The following FARP1 variants were observed in gnomAD, a reference collection of about 807,000 sequenced individuals.
The protein encoded by FARP1 is FERM, ARHGEF and pleckstrin domain-containing protein 1.
FARP1 carries 52 observed loss-of-function variants against 128.8 expected under a neutral mutation model. The observed-to-expected ratio is 0.40, with a 90% CI of 0.32 to 0.51. FARP1 has a LOEUF of 0.51. Ranked by LOEUF, FARP1 falls within the 20% of genes least tolerant of loss-of-function variation. The pLI, the probability that FARP1 is intolerant of heterozygous loss-of-function variation, is 0.45. For synonymous variants in FARP1, 580 were observed against 551.8 expected (o/e 1.05, Z -0.72); for missense variants, 1,333 against 1,367.9 (o/e 0.97, Z 0.40).
intron 5 of FARP1, among the ~76,000 whole-genome samples, chr13:98,377,374 C>CAA (rs34395673): frequency 0.02 from 2,709 of 134,546 alleles, 84 homozygotes; most frequent in African/African-American, 0.069. Flanking sequence ...AGTTACACCA[C>CAA]AAAAAAAAAA....
chr13:98,249,631 T>C (rs1191312861), intron 2 of FARP1, among the ~76,000 whole-genome samples: 1 of 152,168 alleles, frequency 6.6e-6, no homozygotes, highest in African/African-American at 2.4e-5. Flanking sequence ...AGAAATTGTT[T>C]GGCTATTGGA....
At chr13:98,396,218 C>G in intron 13 of FARP1, 2 of 399,126 alleles carry the variant, frequency 5.0e-6, no homozygotes, top group Non-Finnish European at 4.4e-6. Context: ...ATGGGTGCAG[C>G]CTCTAAGGTC....
chr13:98,412,413 A>G (rs9584838), intron 16 of FARP1, among the ~76,000 whole-genome samples: 2,747 of 152,384 alleles, frequency 0.018, 80 homozygotes, highest in African/African-American at 0.058. Flanking sequence ...TATGAAGTAC[A>G]TACATGCCTT....
At chr13:98,166,357 T>C (rs1195884247) in intron 1 of FARP1, among the ~76,000 whole-genome samples, 1 of 152,220 alleles carries the variant, frequency 6.6e-6, no homozygotes, top group Non-Finnish European at 1.5e-5. Context: ...CATATTGCCC[T>C]CCATGGCTTA....
intron 23 of FARP1, 80 bp from the exon 24 acceptor site, chr13:98,440,590 C>T (rs1892483479): frequency 6.8e-7 from 1 of 1,462,608 alleles, no homozygotes; most frequent in African/African-American, 1.4e-5. Flanking sequence ...AGCCCCCCAA[C>T]CTTCCAGCAC....
intron 1 of FARP1, among the ~76,000 whole-genome samples, chr13:98,212,409 A>G (rs149124625): frequency 2.8e-4 from 43 of 152,318 alleles, no homozygotes; most frequent in African/African-American, 8.2e-4. Flanking sequence ...TTCCAGGTGA[A>G]GAAAGAGGGC....
chr13:98,270,548 C>T (rs1255584562), intron 2 of FARP1, among the ~76,000 whole-genome samples: 1 of 152,260 alleles, frequency 6.6e-6, no homozygotes, highest in East Asian at 1.9e-4. Context: ...GACGCAGCTC[C>T]CTTCCTAGAA....
intron 16 of FARP1, among the ~76,000 whole-genome samples, chr13:98,415,653 C>A (rs1484701991): frequency 1.3e-5 from 2 of 152,234 alleles, no homozygotes; most frequent in African/African-American, 4.8e-5. Context: ...ATTGCCTATA[C>A]AGAACAGGCA....
Position 98,353,903 on chromosome 13 carries a change from T to A in FARP1, c.276+10037T>A, listed in dbSNP as rs567617882. Among the ~76,000 whole-genome samples, 27 of 152,334 alleles carry A rather than the reference T, an allele frequency of 1.8e-4. No individual in the cohort carries two copies. The East Asian group carries it at 3.7e-3, about 21-fold the overall frequency. On this transcript the variant is annotated intron_variant, in intron 3 of 26. Coordinates refer to ENST00000319562, the MANE Select transcript of FARP1 (RefSeq NM_005766.4). ...AGAGTTCAATTAACCATAACACCCA[T>A]GTGAAATCTTTTGAAATGAGTCATT...
intron 2 of FARP1, among the ~76,000 whole-genome samples, chr13:98,313,109 T>TACACACAC (rs10565192): frequency 5.8e-5 from 8 of 138,276 alleles, no homozygotes; most frequent in African/African-American, 1.4e-4. Context: ...TGGGTCATAA[T>TACACACAC]ACACACACAC....
chr13:98,162,656 C>G (rs907728271), intron 1 of FARP1, among the ~76,000 whole-genome samples: 4 of 152,134 alleles, frequency 2.6e-5, no homozygotes, highest in Non-Finnish European at 5.9e-5. Flanking sequence ...CACTATTTAT[C>G]TACTTTACCC....
intron 1 of FARP1, among the ~76,000 whole-genome samples, chr13:98,193,073 TTC>T (rs1491056966): frequency 6.6e-5 from 10 of 151,046 alleles, no homozygotes; most frequent in Admixed American, 1.3e-4. Context: ...TTTTTTTTTT[TTC>T]GAGATGGAGT....
chr13:98,160,296 GGC>G (rs1491308127), intron 1 of FARP1, among the ~76,000 whole-genome samples: 2 of 152,168 alleles, frequency 1.3e-5, no homozygotes, highest in Non-Finnish European at 1.5e-5. Context: ...GTGTGCTGTA[GGC>G]GTGATGGTGG....
chr13:98,386,408 A>G (rs935811700), intron 8 of FARP1, among the ~76,000 whole-genome samples: 1 of 152,142 alleles, frequency 6.6e-6, no homozygotes, highest in African/African-American at 2.4e-5. Flanking sequence ...GCACTCTAAA[A>G]TGTGTGCTCT....
intron 2 of FARP1, among the ~76,000 whole-genome samples, chr13:98,317,983 C>T (rs187234370): frequency 0.038 from 5,706 of 149,268 alleles, 205 homozygotes; most frequent in African/African-American, 0.09. Context: ...TTCCTCTCTC[C>T]TTCCTCTTCC....
At chr13:98,347,273 AAAAC>A (rs201196491) in intron 3 of FARP1, among the ~76,000 whole-genome samples, 2,504 of 152,328 alleles carry the variant, frequency 0.016, 67 homozygotes, top group African/African-American at 0.058. Flanking sequence ...ATTGTGGTCA[AAAAC>A]AAGTAACACA....
At chr13:98,296,597 A>C (rs377318801) in intron 2 of FARP1, among the ~76,000 whole-genome samples, 1 of 151,698 alleles carries the variant, frequency 6.6e-6, no homozygotes, top group African/African-American at 2.4e-5. Flanking sequence ...TTTTTTGCGT[A>C]GAATGTCTGT....
intron 18 of FARP1, chr13:98,434,578 A>T (rs1374419367): frequency 6.6e-6 from 1 of 152,136 alleles, no homozygotes; most frequent in Non-Finnish European, 1.5e-5. Context: ...GCCGCTGGGG[A>T]CTTGAGTGCC....
chr13:98,224,526 C>CAAA (rs1203238924), intron 2 of FARP1, among the ~76,000 whole-genome samples: 24 of 50,248 alleles, frequency 4.8e-4, no homozygotes, highest in African/African-American at 1.1e-3. Flanking sequence ...GACTCTGTCT[C>CAAA]AAAAAAAAAA....
Sources: allele counts gnomAD v4.1 joint callset (sites outside exome capture counted in the v4.1 genomes callset), GRCh38; gene constraint gnomAD v4.1.1; transcripts MANE v1.5; gene names NCBI Gene and HGNC (gene_info 2026-07-23, HGNC 2026-07-21).